NAP1L1: variants seen among roughly 807,000 people sequenced by gnomAD.
The protein encoded by NAP1L1 is nucleosome assembly protein 1-like 1.
Under a neutral mutation model 58.9 loss-of-function variants are expected in NAP1L1, and 9 were observed. The ratio of observed to expected loss-of-function variants is 0.15; its 90% CI spans 0.09 to 0.27. The LOEUF is 0.27. Among genes scored for constraint, NAP1L1 ranks in the 10% least tolerant of loss-of-function variants. The pLI is 1.00. For synonymous variants in NAP1L1, 130 were observed against 138.3 expected (o/e 0.94, Z 0.42); for missense variants, 302 against 458.8 (o/e 0.66, Z 3.12).
At chr12:76,061,375 A>G (rs1367505413) in intron 4 of NAP1L1, among the ~76,000 whole-genome samples, 6 of 152,156 alleles carry the variant, frequency 3.9e-5, no homozygotes, top group Non-Finnish European at 8.8e-5. Flanking sequence ...GTAAGAATGT[A>G]CGATATTTGG....
In NAP1L1 at chr12:76,069,002, A is replaced by G. The variant is rs777272863; in HGVS notation, c.18-8T>C. On this transcript the variant is annotated splice_polypyrimidine_tract_variant and splice_region_variant and intron_variant, in intron 2 of 14. Coordinates refer to ENST00000618691, the MANE Select transcript of NAP1L1 (RefSeq NM_004537.7). ...AGTTCAGACTGTTCTTTGCTATAAT[A>G]TCATAGTATCACACCAAGGTTCAAA... 4 of 1,591,526 alleles carry G rather than the reference A, an allele frequency of 2.5e-6. No individual in the cohort carries two copies. In the South Asian group the frequency reaches 3.4e-5, roughly 13 times the overall value.
chr12:76,060,379 G>GT (rs1949352368), intron 4 of NAP1L1, 100 bp from the exon 5 acceptor site: 8 of 1,201,138 alleles, frequency 6.7e-6, no homozygotes, highest in African/African-American at 4.5e-5. Flanking sequence ...TGAATGACAG[G>GT]TTTTTTATCT....
In NAP1L1 at chr12:76,041,483, T is replaced by C. The variant is rs796136967; in HGVS notation, c.*6946A>G. The stretch of plus-strand genomic sequence containing the variant: ...CCAAGCAGAGCTGAAATAGTGCAAA[T>C]GCAGGTTAAATACAGTGGGCTATTC... On this transcript the variant is annotated 3_prime_UTR_variant, in exon 15 of 15. Transcript: ENST00000618691. The C allele has an allele frequency of 4.6e-5, 7 of 152,152 alleles. 1 individual carries two copies. In the South Asian group the frequency reaches 6.2e-4, roughly 14 times the overall value. 9.4% of individuals were successfully genotyped at this position (152,152 alleles called of 1,614,324 possible). A position where few individuals can be genotyped will look rare whatever the true frequency, so the allele number is the denominator to read the frequency against.
chr12:76,081,576 A>C (rs928097670), intron 1 of NAP1L1, among the ~76,000 whole-genome samples: 1 of 152,232 alleles, frequency 6.6e-6, no homozygotes, highest in African/African-American at 2.4e-5. Flanking sequence ...CCACAAGGAA[A>C]AAATATATAT....
Position 76,067,366 on chromosome 12 carries a change from T to G in NAP1L1, c.206+5A>C. 1 of 1,594,252 alleles carries G rather than the reference T, an allele frequency of 6.3e-7. No individual in the cohort carries two copies. The highest frequency in any genetic ancestry group is 8.6e-7 in the Non-Finnish European group (1 of 1,165,402). ...AGATAAATAAGGACTATGGAAAAGC[T>G]GTACCTTTCAATGTATCCTGTTGGT... On this transcript the variant is annotated splice_donor_5th_base_variant and intron_variant, in intron 4 of 14. Transcript: ENST00000618691.
Position 76,040,923 on chromosome 12 carries a change from C to T in NAP1L1, c.*7506G>A, listed in dbSNP as rs1948545339. 1 of 152,214 alleles carries T rather than the reference C, an allele frequency of 6.6e-6. No homozygotes were observed. The highest frequency in any genetic ancestry group is 6.5e-5 in the Admixed American group (1 of 15,284). 9.4% of individuals were successfully genotyped at this position (152,214 alleles called of 1,614,324 possible). A position where few individuals can be genotyped will look rare whatever the true frequency, so the allele number is the denominator to read the frequency against. On this transcript the variant is annotated 3_prime_UTR_variant, in exon 15 of 15. Coordinates refer to ENST00000618691, the MANE Select transcript of NAP1L1 (RefSeq NM_004537.7). ...CTTACTTTTTACAGTATATAATACA[C>T]ATAACATACAAAGTGTGTGTTAAAT...
In NAP1L1 at chr12:76,040,539, A is replaced by T. The variant is rs1696270728; in HGVS notation, c.*7890T>A. ...TACATACACACACACACACACACAG[A>T]CAGTTTCATTCTGTTGCTCAGGTTG... On this transcript the variant is annotated 3_prime_UTR_variant, in exon 15 of 15. Coordinates refer to ENST00000618691, the MANE Select transcript of NAP1L1 (RefSeq NM_004537.7). 1 of 152,104 alleles carries T rather than the reference A, an allele frequency of 6.6e-6. No individual in the cohort carries two copies. The highest frequency in any genetic ancestry group is 2.4e-5 in the African/African-American group (1 of 41,350). 9.4% of individuals were successfully genotyped at this position (152,104 alleles called of 1,614,324 possible). A position where few individuals can be genotyped will look rare whatever the true frequency, so the allele number is the denominator to read the frequency against.
In NAP1L1 at chr12:76,056,615, T is replaced by C. The variant is rs573891287; in HGVS notation, c.430-454A>G. The C allele has an allele frequency of 1.2e-4, 55 of 455,946 alleles. 1 individual carries two copies. Among genetic ancestry groups the C allele is most frequent in the East Asian group, 1.1e-3 (16 of 14,380 alleles). 28.2% of individuals were successfully genotyped at this position (455,946 alleles called of 1,614,324 possible). ...GTCACAGCTCTGCCATTATTCATTG[T>C]GGGCAAGTCACTTAGAAGCCTCCAT... On this transcript the variant is annotated intron_variant, in intron 6 of 14. Transcript: ENST00000618691.
At position 76,048,345 on chromosome 12, in the gene NAP1L1, C is replaced by T. The variant is rs1205919954; in HGVS notation, c.*84G>A. The T allele has an allele frequency of 6.7e-7, 1 of 1,495,972 alleles. No homozygotes were observed. The highest frequency in any genetic ancestry group is 1.4e-5 in the African/African-American group (1 of 71,112). 92.7% of individuals were successfully genotyped at this position (1,495,972 alleles called of 1,614,324 possible). A position where few individuals can be genotyped will look rare whatever the true frequency, so the allele number is the denominator to read the frequency against. The stretch of plus-strand genomic sequence containing the variant: ...AATTACCTAGTCTACCAAGAAAATA[C>T]AAAAACATAAGGCTGTAAGTAAATA... On this transcript the variant is annotated 3_prime_UTR_variant, in exon 15 of 15. Transcript: ENST00000618691.
At chr12:76,055,917 CA>C (rs1949064034) in intron 7 of NAP1L1, 115 bp downstream of exon 7, 1 of 1,089,314 alleles carries the variant, frequency 9.2e-7, no homozygotes, top group Non-Finnish European at 1.4e-6. Flanking sequence ...TTAGCTATTT[CA>C]AAAGTAAGCA....
chr12:76,063,498 TAAAG>T (rs1451965277), intron 4 of NAP1L1, among the ~76,000 whole-genome samples: 4 of 152,094 alleles, frequency 2.6e-5, no homozygotes, highest in Non-Finnish European at 5.9e-5. Context: ...CAACTAATAA[TAAAG>T]AAGCAAACAT....
At chr12:76,049,309 T>C (rs879723685) in intron 13 of NAP1L1, 59 bp from the exon 14 acceptor site, 2 of 1,610,966 alleles carry the variant, frequency 1.2e-6, no homozygotes, top group Non-Finnish European at 1.7e-6. Flanking sequence ...AACTGGCTCA[T>C]AATGTAGGGA....
At chr12:76,055,117 G>A (rs1028558513) in intron 7 of NAP1L1, 27 bp from the exon 8 acceptor site, 5 of 1,488,454 alleles carry the variant, frequency 3.4e-6, no homozygotes, top group Admixed American at 1.8e-5. Context: ...TAATAAAAAT[G>A]AATAACATGG....
chr12:76,064,116 G>A (rs1278373636), intron 4 of NAP1L1, among the ~76,000 whole-genome samples: 4 of 152,134 alleles, frequency 2.6e-5, no homozygotes, highest in Non-Finnish European at 2.9e-5. Context: ...CTGTACTCCA[G>A]AGTGGATCAC....
At position 76,039,083 on chromosome 12, in the gene NAP1L1, T is replaced by C. The variant is rs996614491; in HGVS notation, c.*9346A>G. ...TTATTTCTAAAATGTAGTTATTTGC[T>C]TTATGTTCCAGGATATCCTTGATCA... On this transcript the variant is annotated 3_prime_UTR_variant, in exon 15 of 15. Coordinates refer to ENST00000618691, the MANE Select transcript of NAP1L1 (RefSeq NM_004537.7). 11 of 152,230 alleles carry C rather than the reference T, an allele frequency of 7.2e-5. No homozygotes were observed. Among genetic ancestry groups the C allele is most frequent in the African/African-American group, 2.7e-4 (11 of 41,450 alleles). The allele number at this position is 152,230 out of a possible 1,614,324, so 9.4% of individuals were successfully genotyped here. A position where few individuals can be genotyped will look rare whatever the true frequency, so the allele number is the denominator to read the frequency against.
At chr12:76,068,801 A>T in intron 3 of NAP1L1, 108 bp downstream of exon 3, 1 of 724,582 alleles carries the variant, frequency 1.4e-6, no homozygotes, top group Non-Finnish European at 2.4e-6. Flanking sequence ...ACCAGTAGAT[A>T]AATGGGACAA....
At chr12:76,062,831 A>G (rs953528239) in intron 4 of NAP1L1, among the ~76,000 whole-genome samples, 3 of 152,180 alleles carry the variant, frequency 2.0e-5, no homozygotes, top group African/African-American at 7.2e-5. Context: ...CAATATAAAA[A>G]TCCTTACTCT....
chr12:76,065,884 G>C (rs1332078055), intron 4 of NAP1L1, among the ~76,000 whole-genome samples: 1 of 151,670 alleles, frequency 6.6e-6, no homozygotes, highest in Non-Finnish European at 1.5e-5. Context: ...CAAATATTAA[G>C]ACAACTATAA....
chr12:76,083,149 T>G (rs570213117), intron 1 of NAP1L1, among the ~76,000 whole-genome samples: 1 of 152,198 alleles, frequency 6.6e-6, no homozygotes, highest in South Asian at 2.1e-4. Context: ...CCCCCTACAC[T>G]GCCATCCCCC....
Sources: allele counts gnomAD v4.1 joint callset (sites outside exome capture counted in the v4.1 genomes callset), GRCh38; gene constraint gnomAD v4.1.1; transcripts MANE v1.5; gene names NCBI Gene and HGNC (gene_info 2026-07-23, HGNC 2026-07-21).